The following KHDRBS2 variants were observed in gnomAD, a reference collection of about 807,000 sequenced individuals.
KHDRBS2 encodes KH domain-containing, RNA-binding, signal transduction-associated protein 2.
KHDRBS2 carries 26 observed loss-of-function variants against 44.3 expected under a neutral mutation model. The ratio of observed to expected loss-of-function variants is 0.59; its 90% CI spans 0.43 to 0.81. KHDRBS2 has a LOEUF of 0.81. Ranked by LOEUF, KHDRBS2 falls within the 40% of genes least tolerant of loss-of-function variation. The pLI is 0.00. For missense variants in KHDRBS2, 476 were observed against 433.1 expected (o/e 1.10, Z -0.88); for synonymous variants, 194 against 151.1 (o/e 1.28, Z -2.08).
chr6:62,256,650 A>T (rs1837437703), intron 1 of KHDRBS2, among the ~76,000 whole-genome samples: 1 of 152,026 alleles, frequency 6.6e-6, no homozygotes, highest in African/African-American at 2.4e-5. Context: ...ATGAAAACGG[A>T]CTAATACATA....
At chr6:62,126,196 G>A (rs751348570) in intron 2 of KHDRBS2, among the ~76,000 whole-genome samples, 3 of 152,174 alleles carry the variant, frequency 2.0e-5, no homozygotes, top group African/African-American at 4.8e-5. Flanking sequence ...GAACATTAGC[G>A]TAGCTTGGCA....
chr6:62,188,872 G>A lies in KHDRBS2; in HGVS notation c.92-11560C>T, dbSNP rs142237848. The stretch of plus-strand genomic sequence containing the variant: ...CTCACGCCTGTAATCCTAGCACTTT[G>A]AGAGGCAGAGGCAGGTGGATCACTT... On this transcript the variant is annotated intron_variant, in intron 1 of 8. Coordinates refer to ENST00000281156, the MANE Select transcript of KHDRBS2 (RefSeq NM_152688.4). Among the ~76,000 whole-genome samples, 280 of 152,274 alleles carry A rather than the reference G, an allele frequency of 1.8e-3. 3 individuals are homozygous for A. The East Asian group carries it at 0.039, about 21-fold the overall frequency.
intron 7 of KHDRBS2, among the ~76,000 whole-genome samples, chr6:61,706,416 C>G (rs1030317573): frequency 2.6e-5 from 4 of 151,744 alleles, no homozygotes; most frequent in African/African-American, 9.7e-5. Context: ...GGCTATTAGA[C>G]AGCTCCTAAG....
At chr6:61,931,823 G>A (rs944903875) in intron 4 of KHDRBS2, among the ~76,000 whole-genome samples, 1 of 151,654 alleles carries the variant, frequency 6.6e-6, no homozygotes, top group African/African-American at 2.4e-5. Context: ...CACCTCTTCT[G>A]CCTCTGCCAT....
intron 6 of KHDRBS2, among the ~76,000 whole-genome samples, chr6:61,891,660 T>C (rs1362942726): frequency 6.6e-6 from 1 of 152,154 alleles, no homozygotes; most frequent in Non-Finnish European, 1.5e-5. Flanking sequence ...CACATGATTA[T>C]CTCAATAGTT....
At chr6:61,905,925 G>A (rs1179272027) in intron 4 of KHDRBS2, among the ~76,000 whole-genome samples, 9 of 134,742 alleles carry the variant, frequency 6.7e-5, no homozygotes, top group Non-Finnish European at 9.1e-5. Flanking sequence ...GCATGATCTC[G>A]GCTCACTGCA....
chr6:61,647,933 C>A, the KHDRBS2 span, among the ~76,000 whole-genome samples: 4 of 151,998 alleles, frequency 2.6e-5, no homozygotes, highest in Non-Finnish European at 5.9e-5. Flanking sequence ...GAACAAGTAT[C>A]TTGGTAAAAA....
intron 8 of KHDRBS2, among the ~76,000 whole-genome samples, chr6:61,690,341 T>C (rs1168217828): frequency 6.6e-6 from 1 of 152,018 alleles, no homozygotes; most frequent in Non-Finnish European, 1.5e-5. Context: ...TCCTTTCTTG[T>C]ACATGATCTG....
intron 4 of KHDRBS2, among the ~76,000 whole-genome samples, chr6:61,954,479 A>T (rs1765617021): frequency 7.5e-6 from 1 of 133,952 alleles, no homozygotes. Flanking sequence ...ATGTGTATAT[A>T]CACATGCGTA....
intron 2 of KHDRBS2, among the ~76,000 whole-genome samples, chr6:62,169,719 T>C (rs1819626346): frequency 1.3e-5 from 2 of 152,030 alleles, no homozygotes; most frequent in South Asian, 4.1e-4. Flanking sequence ...CCGGCCCCAC[T>C]GCATTACACC....
chr6:61,944,191 C>G (rs959066011), intron 4 of KHDRBS2, among the ~76,000 whole-genome samples: 1 of 152,066 alleles, frequency 6.6e-6, no homozygotes, highest in Non-Finnish European at 1.5e-5. Context: ...ATCATTATAT[C>G]AAAGGAATAT....
At chr6:61,743,810 T>C (rs1173810922) in intron 6 of KHDRBS2, among the ~76,000 whole-genome samples, 2 of 129,808 alleles carry the variant, frequency 1.5e-5, no homozygotes, top group East Asian at 2.8e-4. Flanking sequence ...CCCCGGTGTG[T>C]GATGTTCCCC....
At chr6:61,971,042 C>T (rs1003801940) in intron 4 of KHDRBS2, among the ~76,000 whole-genome samples, 1 of 152,024 alleles carries the variant, frequency 6.6e-6, no homozygotes, top group African/African-American at 2.4e-5. Flanking sequence ...TTTGTTCAAG[C>T]TGAAATTAAG....
intron 3 of KHDRBS2, among the ~76,000 whole-genome samples, chr6:61,999,508 C>T (rs1777824757): frequency 6.6e-6 from 1 of 152,090 alleles, no homozygotes; most frequent in African/African-American, 2.4e-5. Context: ...ATACCAAAAA[C>T]ACATCCTTTG....
intron 1 of KHDRBS2, among the ~76,000 whole-genome samples, chr6:62,212,589 A>T (rs1255830775): frequency 2.0e-5 from 3 of 152,198 alleles, no homozygotes; most frequent in African/African-American, 7.2e-5. Flanking sequence ...CAACATGACT[A>T]GTGTCCTTAT....
At chr6:61,987,511 C>T (rs889696619) in intron 3 of KHDRBS2, among the ~76,000 whole-genome samples, 9 of 152,072 alleles carry the variant, frequency 5.9e-5, no homozygotes, top group African/African-American at 1.7e-4. Context: ...CTTCTTGATG[C>T]CCCAGGGAAC....
intron 4 of KHDRBS2, among the ~76,000 whole-genome samples, chr6:61,948,663 T>G (rs1290275727): frequency 6.9e-6 from 1 of 145,846 alleles, no homozygotes; most frequent in African/African-American, 2.5e-5. Context: ...ACATTATTAT[T>G]ATTATTATTA....
intron 4 of KHDRBS2, among the ~76,000 whole-genome samples, chr6:61,953,835 G>T (rs548098612): frequency 1.3e-5 from 2 of 152,154 alleles, no homozygotes; most frequent in Non-Finnish European, 2.9e-5. Context: ...GAAAGAGTGA[G>T]GGGAAGGGCA....
chr6:61,639,237 C>T, the KHDRBS2 span, among the ~76,000 whole-genome samples: 12 of 152,212 alleles, frequency 7.9e-5, no homozygotes, highest in African/African-American at 2.6e-4. Flanking sequence ...CTAAAGGACA[C>T]TGTTCAAGCT....
Sources: allele counts gnomAD v4.1 joint callset (sites outside exome capture counted in the v4.1 genomes callset), GRCh38; gene constraint gnomAD v4.1.1; transcripts MANE v1.5; gene names NCBI Gene and HGNC (gene_info 2026-07-23, HGNC 2026-07-21).